DBX2: variants seen among roughly 807,000 people sequenced by gnomAD.
DBX2 encodes homeobox protein DBX2.
DBX2 carries 16 observed loss-of-function variants against 17.7 expected under a neutral mutation model. That is an observed-to-expected ratio of 0.90 (90% CI 0.61 to 1.37). DBX2 has a LOEUF of 1.37. Among genes scored for constraint, DBX2 ranks in the 40% most tolerant of loss-of-function variants. The probability of loss-of-function intolerance (pLI) is 0.00; values close to 1 mark genes in which losing one functional copy is unlikely to be tolerated. For synonymous variants in DBX2, 255 were observed against 183.8 expected, an observed-to-expected ratio of 1.39 and a Z score of -3.13; for missense variants, 538 against 433.8, an observed-to-expected ratio of 1.24 and a Z score of -2.13.
chr12:45,036,123 A>G lies in DBX2; in HGVS notation c.404-9T>C. The G allele has an allele frequency of 6.2e-7, 1 of 1,604,828 alleles. No homozygotes were observed. The highest frequency in any genetic ancestry group is 1.1e-5 in the South Asian group (1 of 88,928). The stretch of plus-strand genomic sequence containing the variant: ...GAAAGGTTTGGAAGGTGCTGCAGAG[A>G]AAGCATTGATCTCATTGATTAGCCA... On this transcript the variant is annotated splice_polypyrimidine_tract_variant and intron_variant, in intron 1 of 3. Coordinates refer to ENST00000332700, the MANE Select transcript of DBX2 (RefSeq NM_001004329.3).
intron 2 of DBX2, among the ~76,000 whole-genome samples, chr12:45,030,029 C>T (rs1946401244): frequency 6.6e-6 from 1 of 152,024 alleles, no homozygotes; most frequent in Non-Finnish European, 1.5e-5. Flanking sequence ...TCCCCAGCAG[C>T]CCTGTATGAA....
intron 1 of DBX2, 31 bp downstream of exon 1, chr12:45,050,494 C>A: frequency 6.5e-7 from 1 of 1,541,892 alleles, no homozygotes; most frequent in Non-Finnish European, 8.7e-7. Flanking sequence ...GGCGCGGGCG[C>A]GGCTGGGGAG....
In DBX2 at chr12:45,050,808, G is replaced by T. The variant is rs534192224; in HGVS notation, c.120C>A (p.Ile40=). 177 of 1,536,756 alleles carry T rather than the reference G, an allele frequency of 1.2e-4. No homozygotes were observed. Among genetic ancestry groups the T allele is most frequent in the Non-Finnish European group, 7.8e-5 (89 of 1,144,036 alleles). The change falls in exon 1 of 4, where the codon ATC becomes ATA. Residue 40 remains isoleucine (I), a synonymous_variant. Coordinates refer to ENST00000332700, the MANE Select transcript of DBX2 (RefSeq NM_001004329.3). ...CGCCCCCGACCCGCAGCAAATTCTC[G>T]ATCAGGAAACTCTTGCCCAGGTTGC... ...GFGNLGKSFL[I]ENLLRVGGAP...
rs896720611 is a variant in DBX2 at position 45,050,504 on chromosome 12, G to T, written c.403+21C>A. 4 of 1,546,684 alleles carry T rather than the reference G, an allele frequency of 2.6e-6. No homozygotes were observed. In the South Asian group the frequency reaches 4.8e-5, roughly 18 times the overall value. On this transcript the variant is annotated intron_variant, in intron 1 of 3. Coordinates refer to ENST00000332700, the MANE Select transcript of DBX2 (RefSeq NM_001004329.3). ...CTGGGGGCGCGGGCGCGGCTGGGGA[G>T]GGAGGGGAGAGCTGGCTCACCTGGC... is the stretch of plus-strand genomic sequence containing the variant.
chr12:45,017,291 A>G (rs755986018), intron 3 of DBX2, among the ~76,000 whole-genome samples: 33 of 152,338 alleles, frequency 2.2e-4, no homozygotes, highest in Non-Finnish European at 3.2e-4. Context: ...TGTGCCAGGC[A>G]TCAGGCTATG....
At chr12:45,023,478 AATGGGAC>A (rs1565580921) in intron 3 of DBX2, among the ~76,000 whole-genome samples, 1 of 152,250 alleles carries the variant, frequency 6.6e-6, no homozygotes, top group African/African-American at 2.4e-5. Context: ...TCCAATAGGA[AATGGGAC>A]ATACATCTCC....
Position 45,032,627 on chromosome 12 carries a change from CAAG to C in DBX2, c.499+3389_499+3391del, listed in dbSNP as rs561689536. ...TGTATTACGTTTTTTTAAGTTTTAA[CAAG>C]AAGAAGAAGATAGCATAATTATCTT... On this transcript the variant is annotated intron_variant, in intron 2 of 3. Transcript: ENST00000332700. 1.9e-3 allele frequency among the ~76,000 whole-genome samples: 294 copies of C among 152,132 alleles called. 2 individuals carry two copies. Among genetic ancestry groups the C allele is most frequent in the African/African-American group, 6.3e-3 (262 of 41,526 alleles).
In DBX2 at chr12:45,050,734, G is replaced by GCGGTCGCCGGGT; in HGVS notation, c.182_193dup (p.Asp61_Thr64dup). The GCGGTCGCCGGGT allele has an allele frequency of 6.7e-7, 1 of 1,495,976 alleles. No homozygotes were observed. The highest frequency in any genetic ancestry group is 8.9e-7 in the Non-Finnish European group (1 of 1,124,898). 92.7% of individuals were successfully genotyped at this position (1,495,976 alleles called of 1,614,324 possible). ...GAGCTGCGCGCCCGCGGTGGCCAGG[G>GCGGTCGCCGGGT]CGGTCGCCGGGTCGTGGGGCGCGGG... On this transcript the variant is annotated inframe_insertion, in exon 1 of 4. Transcript: ENST00000332700.
At chr12:45,026,822 C>T (rs1326754678) in intron 2 of DBX2, among the ~76,000 whole-genome samples, 1 of 152,160 alleles carries the variant, frequency 6.6e-6, no homozygotes, top group African/African-American at 2.4e-5. Flanking sequence ...TGTCATCAAG[C>T]CCAATTCTCT....
intron 1 of DBX2, among the ~76,000 whole-genome samples, chr12:45,046,182 G>A (rs560838804): frequency 1.3e-5 from 2 of 152,174 alleles, no homozygotes; most frequent in Non-Finnish European, 2.9e-5. Context: ...TGAACCTGAA[G>A]GTGTTTATTA....
At chr12:45,034,676 A>G (rs1946426729) in intron 2 of DBX2, among the ~76,000 whole-genome samples, 1 of 152,208 alleles carries the variant, frequency 6.6e-6, no homozygotes, top group Non-Finnish European at 1.5e-5. Flanking sequence ...CTTTTCAGGT[A>G]GACAGGGTTA....
chr12:45,026,102 T>A (rs1489738061), intron 2 of DBX2, among the ~76,000 whole-genome samples: 2 of 152,182 alleles, frequency 1.3e-5, no homozygotes, highest in African/African-American at 4.8e-5. Flanking sequence ...AAAGTCCAGA[T>A]TTCTGACACC....
chr12:45,042,429 A>C (rs1322657702), intron 1 of DBX2, among the ~76,000 whole-genome samples: 1 of 152,078 alleles, frequency 6.6e-6, no homozygotes, highest in Admixed American at 6.6e-5. Flanking sequence ...AAACCATTCC[A>C]AGAAGAAAAG....
At chr12:45,019,507 CAT>C (rs1280304875) in intron 3 of DBX2, among the ~76,000 whole-genome samples, 2 of 152,068 alleles carry the variant, frequency 1.3e-5, no homozygotes, top group African/African-American at 4.8e-5. Context: ...GTGAAATTTT[CAT>C]ATGTCAGTAT....
intron 2 of DBX2, among the ~76,000 whole-genome samples, chr12:45,032,883 T>A (rs1050054731): frequency 2.6e-5 from 4 of 152,358 alleles, no homozygotes; most frequent in South Asian, 4.1e-4. Context: ...AAGTAATTTT[T>A]AAAAAGTCAT....
intron 2 of DBX2, among the ~76,000 whole-genome samples, chr12:45,031,102 T>G (rs1440929413): frequency 6.6e-6 from 1 of 152,064 alleles, no homozygotes; most frequent in Non-Finnish European, 1.5e-5. Flanking sequence ...CTTTTCCTGC[T>G]GCAATATTCC....
At chr12:45,032,237 C>G (rs1377364608) in intron 2 of DBX2, among the ~76,000 whole-genome samples, 2 of 152,110 alleles carry the variant, frequency 1.3e-5, no homozygotes, top group Non-Finnish European at 2.9e-5. Context: ...GAAGTCAACA[C>G]CTATTCAACT....
At chr12:45,035,158 G>T (rs929198732) in intron 2 of DBX2, among the ~76,000 whole-genome samples, 1 of 152,206 alleles carries the variant, frequency 6.6e-6, no homozygotes, top group South Asian at 2.1e-4. Context: ...AGGCAGCAGC[G>T]ATCTGAATTC....
intron 2 of DBX2, among the ~76,000 whole-genome samples, chr12:45,034,048 T>C (rs1269773726): frequency 6.6e-6 from 1 of 151,912 alleles, no homozygotes; most frequent in Non-Finnish European, 1.5e-5. Context: ...TTCTTTTCTA[T>C]CTAGTAAACT....
Sources: gnomAD v4.1 joint callset for allele counts (sites outside exome capture counted in the v4.1 genomes callset) on GRCh38, gnomAD v4.1.1 for gene constraint, MANE v1.5 for transcripts, NCBI Gene and HGNC (gene_info 2026-07-23, HGNC 2026-07-21) for gene names.